Variants in CC2D2B observed in about 807,000 individuals in gnomAD.
The protein encoded by CC2D2B is coiled-coil and C2 domain containing 2B, also known as protein CC2D2B.
Under a neutral mutation model 161.2 loss-of-function variants are expected in CC2D2B, and 128 were observed. The observed-to-expected ratio is 0.79, with a 90% confidence interval of 0.69 to 0.92. The LOEUF (loss-of-function observed/expected upper bound fraction) is 0.92. CC2D2B is among the 40% of genes least tolerant of loss of function. CC2D2B has a pLI of 0.00. For missense variants in CC2D2B, 1,173 were observed against 1,375.1 expected, an observed-to-expected ratio of 0.85 and a Z score of 2.32; for synonymous variants, 391 against 449.8, an observed-to-expected ratio of 0.87 and a Z score of 1.65.
At position 96,032,277 on chromosome 10, in the gene CC2D2B, C is replaced by A; in HGVS notation, c.*269C>A. On this transcript the variant is annotated 3_prime_UTR_variant, in exon 35 of 35. Transcript: ENST00000646931. ...TCTTGGGTCACTGTCTGCAGTAGGT[C>A]TTATTCTGGGAAAGAAGCAATTTTG... is the stretch of plus-strand genomic sequence containing the variant. 2.9e-6 allele frequency: 1 copy of A among 346,942 alleles called. No individual in the cohort carries two copies. Among genetic ancestry groups the A allele is most frequent in the Non-Finnish European group, 5.3e-6 (1 of 189,662 alleles). The allele number at this position is 346,942 out of a possible 1,614,324, so 21.5% of individuals were successfully genotyped here. A position where few individuals can be genotyped will look rare whatever the true frequency, so the allele number is the denominator to read the frequency against.
chr10:95,982,858 G>A (rs781636194), intron 18 of CC2D2B, among the ~76,000 whole-genome samples: 2 of 151,942 alleles, frequency 1.3e-5, no homozygotes, highest in Non-Finnish European at 2.9e-5. Flanking sequence ...CACAACCTCC[G>A]CCTCCCAGGT....
At chr10:95,943,275 G>C (rs1427610561) in intron 9 of CC2D2B, among the ~76,000 whole-genome samples, 1 of 152,186 alleles carries the variant, frequency 6.6e-6, no homozygotes, top group East Asian at 1.9e-4. Context: ...AGGTCTATCA[G>C]ATGTTCCATT....
chr10:95,936,381 C>T (rs1270770101), intron 6 of CC2D2B, among the ~76,000 whole-genome samples: 3 of 152,130 alleles, frequency 2.0e-5, no homozygotes, highest in East Asian at 1.9e-4. Context: ...GGGGAGCCCT[C>T]GTTCCAGATA....
At chr10:95,972,288 C>T in intron 16 of CC2D2B, 72 bp downstream of exon 16, 1 of 962,948 alleles carries the variant, frequency 1.0e-6, no homozygotes, top group Non-Finnish European at 1.3e-6. Context: ...GACCCTGGCT[C>T]ACTCACATAA....
intron 24 of CC2D2B, 38 bp from the exon 25 acceptor site, chr10:96,004,114 G>A: frequency 8.2e-7 from 1 of 1,213,148 alleles, no homozygotes; most frequent in Non-Finnish European, 1.2e-6. Context: ...TGGATTTTGA[G>A]AAAATTAAGC....
In CC2D2B at chr10:95,937,973, C is replaced by G; in HGVS notation, c.337-18C>G. 1 of 1,428,686 alleles carries G rather than the reference C, an allele frequency of 7.0e-7. No homozygotes were observed. The highest frequency in any genetic ancestry group is 9.6e-7 in the Non-Finnish European group (1 of 1,040,176). The allele number at this position is 1,428,686 out of a possible 1,614,324, so 88.5% of individuals were successfully genotyped here. A position where few individuals can be genotyped will look rare whatever the true frequency, so the allele number is the denominator to read the frequency against. ...GAGACAAGCATGTAAACTTATTTTC[C>G]TTTTTGGTATTCAACAGAGACCAGT... On this transcript the variant is annotated intron_variant, in intron 6 of 34. Transcript: ENST00000646931.
intron 11 of CC2D2B, among the ~76,000 whole-genome samples, chr10:95,959,858 A>G (rs1357655143): frequency 6.6e-6 from 1 of 152,214 alleles, no homozygotes; most frequent in African/African-American, 2.4e-5. Flanking sequence ...CAGTATTCTA[A>G]AAATATGATT....
chr10:95,998,299 G>C (rs1411911946), intron 24 of CC2D2B, among the ~76,000 whole-genome samples: 2 of 151,986 alleles, frequency 1.3e-5, no homozygotes. Context: ...TAACGTTAGG[G>C]TTTACTCTTG....
chr10:96,007,147 A>C (rs560800007), intron 25 of CC2D2B, among the ~76,000 whole-genome samples: 1 of 152,276 alleles, frequency 6.6e-6, no homozygotes, highest in East Asian at 1.9e-4. Flanking sequence ...AGTATCCATT[A>C]GCTATTTTTC....
At chr10:95,973,903 CCTTT>C (rs2077228388) in intron 16 of CC2D2B, 102 bp from the exon 17 acceptor site, 1 of 486,926 alleles carries the variant, frequency 2.1e-6, no homozygotes, top group Non-Finnish European at 3.2e-6. Context: ...CACAGATCTT[CCTTT>C]GTGTTCCTAG....
chr10:95,971,795 A>G (rs10882700), intron 15 of CC2D2B, among the ~76,000 whole-genome samples: 13,120 of 152,150 alleles, frequency 0.086, 1,161 homozygotes, highest in African/African-American at 0.21. Context: ...TTGCTATGAT[A>G]TTATGTTATA....
At chr10:95,932,806 C>G (rs572452012) in intron 6 of CC2D2B, among the ~76,000 whole-genome samples, 1 of 152,226 alleles carries the variant, frequency 6.6e-6, no homozygotes, top group Non-Finnish European at 1.5e-5. Context: ...TCTGGCTGCC[C>G]TTAACATTTT....
At chr10:96,025,146 T>TAAAAAA (rs58200004) in intron 33 of CC2D2B, among the ~76,000 whole-genome samples, 1 of 29,764 alleles carries the variant, frequency 3.4e-5, no homozygotes, top group African/African-American at 1.6e-4. Flanking sequence ...TCATCTCTAC[T>TAAAAAA]AAAAAAAAAT....
intron 24 of CC2D2B, among the ~76,000 whole-genome samples, chr10:96,003,282 T>C (rs903934235): frequency 4.6e-5 from 7 of 151,992 alleles, no homozygotes; most frequent in Admixed American, 3.3e-4. Context: ...TGATATACAC[T>C]ACCCTTTCAA....
chr10:95,968,252 G>C (rs1032439144), intron 14 of CC2D2B, among the ~76,000 whole-genome samples: 1 of 152,176 alleles, frequency 6.6e-6, no homozygotes, highest in Admixed American at 6.5e-5. Context: ...TGTTGCCTTA[G>C]AGCCACATCT....
chr10:95,989,959 C>T (rs2077885435), intron 20 of CC2D2B, among the ~76,000 whole-genome samples: 2 of 152,150 alleles, frequency 1.3e-5, no homozygotes, highest in South Asian at 2.1e-4. Context: ...ACATTTCCTG[C>T]TGTGTTACTG....
At chr10:95,947,041 A>G (rs2076220030) in intron 9 of CC2D2B, among the ~76,000 whole-genome samples, 2 of 145,336 alleles carry the variant, frequency 1.4e-5, no homozygotes, top group African/African-American at 5.0e-5. Flanking sequence ...GAGCACATGC[A>G]TATTCAAACA....
chr10:95,992,453 A>G, intron 21 of CC2D2B, 74 bp from the exon 22 acceptor site: 1 of 1,110,494 alleles, frequency 9.0e-7, no homozygotes, highest in Admixed American at 4.2e-5. Context: ...TCTCATTTCA[A>G]TTACTCAAAA....
chr10:95,993,936 GTGTGTGTATGTATGTGTATATATA>G (rs1423175000), intron 22 of CC2D2B, among the ~76,000 whole-genome samples: 7 of 19,534 alleles, frequency 3.6e-4, no homozygotes, highest in African/African-American at 2.4e-3. Flanking sequence ...GTGTGTGTGT[GTGTGTGTATGTATGTGTATATATA>G]TATATATATA....
Sources: allele counts gnomAD v4.1 joint callset (sites outside exome capture counted in the v4.1 genomes callset), GRCh38; gene constraint gnomAD v4.1.1; transcripts MANE v1.5; gene names NCBI Gene and HGNC (gene_info 2026-07-23, HGNC 2026-07-21).